Variants in A2ML1 observed in about 807,000 individuals in gnomAD.
The protein encoded by A2ML1 is alpha-2-macroglobulin-like protein 1.
Under a neutral mutation model 181.9 loss-of-function variants are expected in A2ML1, and 161 were observed. The observed-to-expected ratio is 0.89, with a 90% CI of 0.78 to 1.01. The LOEUF is 1.01. Ranked by LOEUF, A2ML1 falls within the 50% of genes least tolerant of loss-of-function variation. The pLI is 0.00. For synonymous variants in A2ML1, 663 were observed against 666.8 expected, an observed-to-expected ratio of 0.99 and a Z score of 0.09; for missense variants, 1,670 against 1,768.1, an observed-to-expected ratio of 0.94 and a Z score of 1.00.
rs1316465161 is a variant in A2ML1 at position 8,823,759 on chromosome 12, A to G, written c.286A>G (p.Ile96Val). The change falls in exon 3 of 36, where the codon ATC becomes GTC. Residue 96 changes from isoleucine to valine, a missense_variant. Coordinates refer to ENST00000299698, the MANE Select transcript of A2ML1 (RefSeq NM_144670.6). ...PAGGTEEVAT[I>V]RVSGVGNNIS... ...TGGTGGCACAGAAGAAGTGGCCACA[A>G]TCCGGGTGTCGGGAGTTGGAAATAA... 3 of 1,614,100 alleles carry G rather than the reference A, an allele frequency of 1.9e-6. No homozygotes were observed. Among genetic ancestry groups the G allele is most frequent in the Non-Finnish European group, 2.5e-6 (3 of 1,180,022 alleles).
chr12:8,854,044 T>G, intron 20 of A2ML1, 84 bp from the exon 21 acceptor site: 1 of 1,439,286 alleles, frequency 6.9e-7, no homozygotes, highest in Non-Finnish European at 9.2e-7. Context: ...CATTAAAGTT[T>G]CAGAAATGCT....
At chr12:8,841,294 C>A (rs1011313226) in intron 10 of A2ML1, 75 bp from the exon 11 acceptor site, 29 of 1,386,082 alleles carry the variant, frequency 2.1e-5, no homozygotes, top group Non-Finnish European at 2.6e-5. Flanking sequence ...TTGCACCAAC[C>A]TAATATTTCA....
intron 26 of A2ML1, 80 bp downstream of exon 26, chr12:8,858,182 C>G: frequency 6.7e-7 from 1 of 1,486,120 alleles, no homozygotes; most frequent in South Asian, 1.3e-5. Context: ...AGCAAAAGAG[C>G]ACTGGCCTGG....
chr12:8,868,438 CTGTG>C, intron 31 of A2ML1, 81 bp downstream of exon 31: 1 of 1,563,570 alleles, frequency 6.4e-7, no homozygotes. Flanking sequence ...GTGTGTGTGT[CTGTG>C]TATGTGTGTG....
At position 8,844,942 on chromosome 12, in the gene A2ML1, T is replaced by C. The variant is rs181524830; in HGVS notation, c.1477-500T>C. ...TTGCAAACAAGATCACCGAGTTCTG[T>C]TTCAAGTGAGAGTGGACGGGAAGGG... On this transcript the variant is annotated intron_variant, in intron 12 of 35. Coordinates refer to ENST00000299698, the MANE Select transcript of A2ML1 (RefSeq NM_144670.6). The C allele has an allele frequency of 1.0e-3, 1,343 of 1,291,114 alleles. 55 individuals are homozygous for C. The Admixed American group carries it at 0.045, about 43-fold the overall frequency. The allele number at this position is 1,291,114 out of a possible 1,614,324, so 80.0% of individuals were successfully genotyped here.
chr12:8,866,734 TCTTCACAG>T, intron 29 of A2ML1, among the ~76,000 whole-genome samples: 1 of 152,346 alleles, frequency 6.6e-6, no homozygotes, highest in South Asian at 2.1e-4. Flanking sequence ...AGATAGAACT[TCTTCACAG>T]CTTCACCAGG....
In A2ML1 at chr12:8,872,807, AAAAG is replaced by A. The variant is rs144464008; in HGVS notation, c.4222-1614_4222-1611del. ...TCAAAAAAAAAAAAAAAGAAAAAGA[AAAAG>A]AAAATAACTATTTTCCAAAACAAAA... is the stretch of plus-strand genomic sequence containing the variant. On this transcript the variant is annotated intron_variant, in intron 33 of 35. Transcript: ENST00000299698. Among the ~76,000 whole-genome samples, 655 of 151,258 alleles carry A rather than the reference AAAAG, an allele frequency of 4.3e-3. 7 individuals carry two copies. Among genetic ancestry groups the A allele is most frequent in the African/African-American group, 0.015 (611 of 40,732 alleles).
chr12:8,887,130 A>G (rs1944928760), downstream of A2ML1: 1 of 152,014 alleles, frequency 6.6e-6, no homozygotes, highest in African/African-American at 2.4e-5. Flanking sequence ...AGCCTGGGCA[A>G]CAGAGCAAGA....
At chr12:8,837,704 A>G (rs1204959439) in intron 8 of A2ML1, 138 bp downstream of exon 8, 1 of 926,678 alleles carries the variant, frequency 1.1e-6, no homozygotes, top group Non-Finnish European at 1.5e-6. Flanking sequence ...ATATGGGGAA[A>G]CCCCGTCTCT....
At chr12:8,845,706 C>T (rs1943648544) in intron 13 of A2ML1, among the ~76,000 whole-genome samples, 1 of 151,828 alleles carries the variant, frequency 6.6e-6, no homozygotes, top group Non-Finnish European at 1.5e-5. Flanking sequence ...AAAAATTAGC[C>T]GGACGTCGGG....
Position 8,836,239 on chromosome 12 carries a change from C to G in A2ML1, c.644-16C>G. ...TCCTCCAGTGCTTTCTCCATTTCTC[C>G]TTTTACTCTCTTCAGTGCTGCCGAA... On this transcript the variant is annotated splice_polypyrimidine_tract_variant and intron_variant, in intron 6 of 35. Transcript: ENST00000299698. 1.2e-6 allele frequency: 2 copies of G among 1,612,492 alleles called. No homozygotes were observed. Among genetic ancestry groups the G allele is most frequent in the South Asian group, 2.2e-5 (2 of 91,034 alleles).
At chr12:8,822,808 GT>G in intron 1 of A2ML1, 95 bp downstream of exon 1, 1 of 1,223,200 alleles carries the variant, frequency 8.2e-7, no homozygotes, top group Non-Finnish European at 1.2e-6. Context: ...ATCAACTTTG[GT>G]TTATCTTAAT....
At chr12:8,829,657 A>T in intron 3 of A2ML1, 70 bp from the exon 4 acceptor site, 3 of 673,108 alleles carry the variant, frequency 4.5e-6, no homozygotes, top group East Asian at 7.4e-5. Flanking sequence ...CCTGTATCAA[A>T]AAAAAAAAAA....
At chr12:8,842,630 G>A (rs1943531342) in intron 11 of A2ML1, among the ~76,000 whole-genome samples, 1 of 152,168 alleles carries the variant, frequency 6.6e-6, no homozygotes, top group Admixed American at 6.5e-5. Flanking sequence ...GGGGCGGGGT[G>A]CGTGTGAGGA....
intron 13 of A2ML1, 104 bp from the exon 14 acceptor site, chr12:8,845,973 A>T: frequency 1.5e-6 from 2 of 1,294,746 alleles, no homozygotes; most frequent in Non-Finnish European, 2.1e-6. Context: ...AGTAACTTGC[A>T]CCATGGTGCC....
At chr12:8,874,839 T>G in intron 34 of A2ML1, 132 bp from the exon 35 acceptor site, 1 of 825,140 alleles carries the variant, frequency 1.2e-6, no homozygotes, top group Non-Finnish European at 1.9e-6. Flanking sequence ...TGAAACTTTC[T>G]TGTAATTCTG....
intron 18 of A2ML1, among the ~76,000 whole-genome samples, chr12:8,851,120 G>A (rs1943873830): frequency 6.6e-6 from 1 of 152,154 alleles, no homozygotes; most frequent in African/African-American, 2.4e-5. Flanking sequence ...CAGGCCCTGT[G>A]TTCTCACTAC....
In A2ML1 at chr12:8,867,977, G is replaced by T. The variant is rs769398491; in HGVS notation, c.3853G>T (p.Val1285Leu). Residue 1285 changes from valine (V) to leucine (L), a missense_variant, in exon 30 of 36, where the codon GTA becomes TTA. By Grantham distance (32) the Val-to-Leu change is conservative (BLOSUM62 1). Coordinates refer to ENST00000299698, the MANE Select transcript of A2ML1 (RefSeq NM_144670.6). ...TFNIQSVNRL[V>L]FQQDTLPNVP... ...CAACATACAGTCAGTTAACAGATTG[G>T]TATTTCAGCAGGATACCCTGCCCAA... is the stretch of plus-strand genomic sequence containing the variant. 6.2e-7 allele frequency: 1 copy of T among 1,614,240 alleles called. No individual in the cohort carries two copies. The highest frequency in any genetic ancestry group is 1.7e-5 in the Admixed American group (1 of 60,020).
At chr12:8,838,572 T>C in intron 9 of A2ML1, 122 bp downstream of exon 9, 3 of 635,126 alleles carry the variant, frequency 4.7e-6, no homozygotes, top group Non-Finnish European at 7.8e-6. Context: ...ACCTTGTTCC[T>C]AGTTCATAGT....
Sources: gnomAD v4.1 joint callset for allele counts (sites outside exome capture counted in the v4.1 genomes callset) on GRCh38, gnomAD v4.1.1 for gene constraint, MANE v1.5 for transcripts, NCBI Gene and HGNC (gene_info 2026-07-23, HGNC 2026-07-21) for gene names.